Variants in PTPRD observed in about 807,000 individuals in gnomAD.
The protein encoded by PTPRD is receptor-type tyrosine-protein phosphatase delta.
In PTPRD, 34 loss-of-function variants were observed where a neutral mutation model predicts 214.5. The ratio of observed to expected loss-of-function variants is 0.16; its 90% CI spans 0.12 to 0.21. The LOEUF (loss-of-function observed/expected upper bound fraction) is 0.21. Among genes scored for constraint, PTPRD ranks in the 10% least tolerant of loss-of-function variants. The probability of loss-of-function intolerance (pLI) is 1.00; values close to 1 mark genes in which losing one functional copy is unlikely to be tolerated. For missense variants in PTPRD, 2,545 were observed against 2,398.7 expected (o/e 1.06, Z -1.27); for synonymous variants, 1,128 against 845.7 (o/e 1.33, Z -5.79).
At chr9:9,139,880 C>A (rs2099857119) in intron 10 of PTPRD, among the ~76,000 whole-genome samples, 1 of 152,000 alleles carries the variant, frequency 6.6e-6, no homozygotes, top group South Asian at 2.1e-4. Flanking sequence ...TTTAATATTT[C>A]AGACTAATTA....
intron 14 of PTPRD, among the ~76,000 whole-genome samples, chr9:8,580,345 G>A (rs2092938749): frequency 6.6e-6 from 1 of 152,182 alleles, no homozygotes; most frequent in African/African-American, 2.4e-5. Flanking sequence ...AGAACAAACA[G>A]CCTAATCACC....
chr9:9,389,227 G>A (rs530720401), intron 9 of PTPRD, among the ~76,000 whole-genome samples: 10 of 152,072 alleles, frequency 6.6e-5, no homozygotes, highest in South Asian at 2.1e-4. Flanking sequence ...ATAGTAAAAC[G>A]CAGCTGGGCG....
At chr9:8,419,417 T>C (rs1293417245) in intron 35 of PTPRD, among the ~76,000 whole-genome samples, 1 of 152,016 alleles carries the variant, frequency 6.6e-6, no homozygotes, top group Non-Finnish European at 1.5e-5. Flanking sequence ...ATTTACTCCA[T>C]TTCAAGGGTA....
intron 37 of PTPRD, among the ~76,000 whole-genome samples, chr9:8,388,563 C>G (rs2088104979): frequency 6.6e-6 from 1 of 152,156 alleles, no homozygotes; most frequent in South Asian, 2.1e-4. Context: ...TTCAAACCAA[C>G]AGCATTTAAC....
chr9:8,934,436 A>AAAATATAT (rs2098976844), intron 11 of PTPRD, among the ~76,000 whole-genome samples: 9 of 30,324 alleles, frequency 3.0e-4, no homozygotes, highest in South Asian at 9.4e-4. Context: ...TATATATATA[A>AAAATATAT]ATATATATAT....
chr9:8,572,227 T>C (rs540651129), intron 14 of PTPRD, among the ~76,000 whole-genome samples: 1 of 152,114 alleles, frequency 6.6e-6, no homozygotes, highest in South Asian at 2.1e-4. Context: ...AATCTTTCCA[T>C]TTTAGTTTCT....
chr9:9,590,737 C>T (rs1320796320), intron 7 of PTPRD, among the ~76,000 whole-genome samples: 2 of 152,028 alleles, frequency 1.3e-5, no homozygotes, highest in Non-Finnish European at 1.5e-5. Context: ...AGGCATATTA[C>T]ATTCTCAAAT....
intron 7 of PTPRD, among the ~76,000 whole-genome samples, chr9:9,679,578 C>T (rs973726191): frequency 2.6e-5 from 4 of 151,818 alleles, no homozygotes; most frequent in Non-Finnish European, 5.9e-5. Context: ...TAAACAGCAT[C>T]ACAGAATGAC....
chr9:9,622,539 A>T (rs774890552), intron 7 of PTPRD, among the ~76,000 whole-genome samples: 1 of 152,256 alleles, frequency 6.6e-6, no homozygotes, highest in Non-Finnish European at 1.5e-5. Flanking sequence ...ATACTAACTT[A>T]TCACTGAATT....
intron 8 of PTPRD, among the ~76,000 whole-genome samples, chr9:9,532,196 A>T (rs2075630473): frequency 6.6e-6 from 1 of 152,148 alleles, no homozygotes. Context: ...GAGGATGGGT[A>T]AAGAACTCTT....
chr9:8,837,825 G>T (rs1254821353), intron 11 of PTPRD, among the ~76,000 whole-genome samples: 1 of 152,100 alleles, frequency 6.6e-6, no homozygotes, highest in African/African-American at 2.4e-5. Context: ...AAAACAAAAT[G>T]AAACTGTGCC....
At position 8,370,754 on chromosome 9, in the gene PTPRD, G is replaced by C. The variant is rs1415523449; in HGVS notation, c.4661+5182C>G. Among the ~76,000 whole-genome samples, 3 of 152,146 alleles carry C rather than the reference G, an allele frequency of 2.0e-5. No homozygotes were observed. The South Asian group carries it at 6.2e-4, about 32-fold the overall frequency. On this transcript the variant is annotated intron_variant, in intron 39 of 45. Transcript: ENST00000381196. ...ATGCCCCCAAAGGGACAGCAGAAAG[G>C]GGAGCTAAAAACCATCATGGGACCT... is the stretch of plus-strand genomic sequence containing the variant.
At chr9:9,314,799 C>G (rs1161228835) in intron 9 of PTPRD, among the ~76,000 whole-genome samples, 2 of 151,950 alleles carry the variant, frequency 1.3e-5, no homozygotes, top group African/African-American at 4.8e-5. Context: ...ATCTCTAGAG[C>G]TATTTACTCT....
rs377583048 is a variant in PTPRD, at chr9:8,755,218, T to TAAA, written c.-103-21275_-103-21273dup. On this transcript the variant is annotated intron_variant, in intron 11 of 45. Transcript: ENST00000381196. ...TCAACAATAACTTAGATGTTATTAT[T>TAAA]AAAAAAAAAAAAAACAAAAAAAACA... Among the ~76,000 whole-genome samples, 6 of 134,150 alleles carry TAAA rather than the reference T, an allele frequency of 4.5e-5. No homozygotes were observed. The East Asian group carries it at 1.0e-3, about 23-fold the overall frequency. The allele number at this position is 134,150 out of a possible 152,430, so 88.0% of individuals were successfully genotyped here.
At chr9:9,312,175 G>A (rs1443311265) in intron 9 of PTPRD, among the ~76,000 whole-genome samples, 1 of 152,138 alleles carries the variant, frequency 6.6e-6, no homozygotes, top group Non-Finnish European at 1.5e-5. Flanking sequence ...ATAGCTAACT[G>A]AGATGTGAAG....
intron 11 of PTPRD, among the ~76,000 whole-genome samples, chr9:8,982,939 T>C (rs539737406): frequency 6.6e-6 from 1 of 152,178 alleles, no homozygotes; most frequent in South Asian, 2.1e-4. Context: ...TGCATAGGGA[T>C]ACACTCTAGG....
chr9:10,378,401 G>T (rs1166638731), intron 2 of PTPRD, among the ~76,000 whole-genome samples: 1 of 151,914 alleles, frequency 6.6e-6, no homozygotes, highest in Non-Finnish European at 1.5e-5. Context: ...TCAATGTTCT[G>T]GAAGTTTTCC....
At chr9:9,494,007 C>T (rs2096055027) in intron 8 of PTPRD, among the ~76,000 whole-genome samples, 2 of 151,932 alleles carry the variant, frequency 1.3e-5, no homozygotes, top group African/African-American at 4.8e-5. Flanking sequence ...GAAGATTATT[C>T]CAATCCTCAT....
chr9:8,735,030 G>A (rs529151214), intron 11 of PTPRD, among the ~76,000 whole-genome samples: 2 of 152,176 alleles, frequency 1.3e-5, no homozygotes, highest in Non-Finnish European at 1.5e-5. Flanking sequence ...CATGCACGGG[G>A]CCCCCTGGAA....
Sources: allele counts gnomAD v4.1 joint callset (sites outside exome capture counted in the v4.1 genomes callset), GRCh38; gene constraint gnomAD v4.1.1; transcripts MANE v1.5; gene names NCBI Gene and HGNC (gene_info 2026-07-23, HGNC 2026-07-21).